Variants in POLA1 observed in about 807,000 individuals in gnomAD.
POLA1 encodes the protein DNA polymerase alpha catalytic subunit.
In POLA1, 15 loss-of-function variants were observed where a neutral mutation model predicts 124.0. The ratio of observed to expected loss-of-function variants is 0.12; its 90% confidence interval spans 0.08 to 0.19. The LOEUF (loss-of-function observed/expected upper bound fraction) is 0.19. Among genes scored for constraint, POLA1 ranks in the 10% least tolerant of loss-of-function variants. The pLI, the probability that POLA1 is intolerant of heterozygous loss-of-function variation, is 1.00. For missense variants in POLA1, 886 were observed against 1,103.4 expected, an observed-to-expected ratio of 0.80 and a Z score of 2.79; for synonymous variants, 408 against 389.4, an observed-to-expected ratio of 1.05 and a Z score of -0.56.
At chrX:24,776,723 T>TA (rs1347914462) in intron 26 of POLA1, among the ~76,000 whole-genome samples, 1 of 112,035 alleles carries the variant, frequency 8.9e-6, no homozygotes, top group Non-Finnish European at 1.9e-5. Context: ...TTATGACATT[T>TA]AAAAAATCTG....
intron 35 of POLA1, among the ~76,000 whole-genome samples, chrX:24,901,789 C>T (rs1042020582): frequency 5.4e-5 from 6 of 111,647 alleles, no homozygotes; most frequent in African/African-American, 2.0e-4. Context: ...GAGATTCCTT[C>T]TTACAGGCTA....
chrX:24,808,473 A>G (rs1312390416), intron 26 of POLA1, among the ~76,000 whole-genome samples: 1 of 106,800 alleles, frequency 9.4e-6, no homozygotes, highest in Non-Finnish European at 1.9e-5. Flanking sequence ...CCAGCTTGCA[A>G]TGTAAGAAAA....
At chrX:24,844,232 T>G (rs2046446243) in intron 34 of POLA1, among the ~76,000 whole-genome samples, 1 of 111,972 alleles carries the variant, frequency 8.9e-6, no homozygotes, top group Non-Finnish European at 1.9e-5. Context: ...TTTTATAAAT[T>G]TATAGTAAAA....
At chrX:24,888,610 T>G (rs954349691) in intron 35 of POLA1, among the ~76,000 whole-genome samples, 83 of 95,965 alleles carry the variant, frequency 8.6e-4, no homozygotes, top group Middle Eastern at 5.2e-3. Context: ...GTTTTTTTTT[T>G]TTTTTTTTTT....
Position 24,888,037 on chromosome X carries a change from G to A in POLA1, c.4079G>A (p.Arg1360His), listed in dbSNP as rs780353506. The A allele has an allele frequency of 9.1e-6, 11 of 1,206,101 alleles. No homozygotes were observed. In the East Asian group the frequency reaches 2.7e-4, roughly 29 times the overall value. The change falls in exon 35 of 37, where the codon CGC becomes CAC. Residue 1360 changes from arginine to histidine, a missense_variant. This residue lies in a region of POLA1 where 313 missense variants were observed against 359.7 expected (regional missense o/e 0.87). Transcript: ENST00000379068. The part of the protein sequence containing the change: ...GWLICEEPTC[R>H]NRTRHLPLQF... The stretch of plus-strand genomic sequence containing the variant: ...TTGATATGTGAAGAGCCAACCTGTC[G>A]CAATCGAACTCGTCACCTTCCCCTT...
Position 24,739,546 on chromosome X carries a change from T to C in POLA1, c.2212T>C (p.Tyr738His). ...CCCAATGGAAAATATACAAAATATG[T>C]ACAGGTATGATCCTAGATTCTTCAG... ...VIPMENIQNM[Y>H]SESSQLLYLL... The change falls in exon 20 of 37, where the codon TAC becomes CAC. Residue 738 changes from tyrosine (Y) to histidine (H), a missense_variant. Coordinates refer to ENST00000379068, the MANE Select transcript of POLA1 (RefSeq NM_001330360.2). 1.8e-6 allele frequency: 2 copies of C among 1,137,005 alleles called. No individual in the cohort carries two copies. The highest frequency in any genetic ancestry group is 2.4e-6 in the Non-Finnish European group (2 of 830,314). The allele number at this position is 1,137,005 out of a possible 1,213,427, so 93.7% of individuals were successfully genotyped here.
intron 36 of POLA1, among the ~76,000 whole-genome samples, chrX:24,933,637 C>T (rs1039337811): frequency 3.6e-5 from 4 of 112,303 alleles, no homozygotes; most frequent in Non-Finnish European, 5.6e-5. Context: ...GATTGTTTTA[C>T]CATTTCCATC....
At chrX:24,851,095 G>A (rs2046554027) in intron 34 of POLA1, among the ~76,000 whole-genome samples, 1 of 112,208 alleles carries the variant, frequency 8.9e-6, no homozygotes, top group African/African-American at 3.2e-5. Context: ...TTCCTTTTCA[G>A]TGTTGGTGAA....
intron 34 of POLA1, among the ~76,000 whole-genome samples, chrX:24,869,805 G>A (rs760216417): frequency 2.7e-5 from 3 of 110,446 alleles, no homozygotes; most frequent in Admixed American, 9.6e-5. Flanking sequence ...ATATTAGCAC[G>A]TTTGGACCTC....
chrX:24,942,960 G>A (rs752026241), intron 36 of POLA1, among the ~76,000 whole-genome samples: 5 of 112,440 alleles, frequency 4.4e-5, no homozygotes, highest in Non-Finnish European at 9.4e-5. Context: ...GCCTCCCAAA[G>A]TGCTGGGATT....
intron 26 of POLA1, among the ~76,000 whole-genome samples, chrX:24,751,333 G>C (rs1932309986): frequency 9.0e-6 from 1 of 111,685 alleles, no homozygotes; most frequent in African/African-American, 3.3e-5. Context: ...TCTTTAGCTG[G>C]ATTTTTAATA....
intron 2 of POLA1, among the ~76,000 whole-genome samples, chrX:24,700,557 G>A (rs1178073609): frequency 3.6e-5 from 4 of 111,723 alleles, no homozygotes; most frequent in Non-Finnish European, 7.5e-5. Flanking sequence ...TGCCCAGGCC[G>A]GAGTGCAATG....
chrX:24,902,291 G>A (rs2047292654), intron 35 of POLA1, among the ~76,000 whole-genome samples: 1 of 112,171 alleles, frequency 8.9e-6, no homozygotes, highest in Admixed American at 9.4e-5. Context: ...AGTTGAGGAG[G>A]CAGAAAGACA....
rs777825988 is a variant in POLA1 at position 24,765,256 on chromosome X, T to C, written c.2964+16264T>C. Among the ~76,000 whole-genome samples the C allele has an allele frequency of 6.4e-5, 7 of 109,956 alleles. No homozygotes were observed. The South Asian group carries it at 2.8e-3, about 44-fold the overall frequency. ...TTTTCTCTCTTCAGGTCTCAGCTTA[T>C]ATGTCACCTTCTTGTGTGTGCGTGG... On this transcript the variant is annotated intron_variant, in intron 26 of 36. Coordinates refer to ENST00000379068, the MANE Select transcript of POLA1 (RefSeq NM_001330360.2).
rs190440527 is a variant in POLA1, at chrX:24,694,298, A to G, written c.43+294A>G. On this transcript the variant is annotated intron_variant, in intron 1 of 36. Transcript: ENST00000379068. ...TGAGTTGCACCCACGTGCTGGGTAT[A>G]ACTTTATTGAGACTGGCCCCGTGGG... 3.6e-5 allele frequency among the ~76,000 whole-genome samples: 4 copies of G among 112,458 alleles called. No homozygotes were observed. The East Asian group carries it at 1.1e-3, about 31-fold the overall frequency.
At chrX:24,700,232 C>T (rs1269799064) in intron 2 of POLA1, among the ~76,000 whole-genome samples, 1 of 109,640 alleles carries the variant, frequency 9.1e-6, no homozygotes, top group Admixed American at 9.8e-5. Flanking sequence ...AGTGTGTTTA[C>T]CAATGTGTTT....
intron 35 of POLA1, among the ~76,000 whole-genome samples, chrX:24,913,140 A>G (rs1486553080): frequency 2.7e-5 from 3 of 112,427 alleles, no homozygotes; most frequent in African/African-American, 9.7e-5. Flanking sequence ...CTTTCCTACC[A>G]TGGAATATTG....
intron 34 of POLA1, among the ~76,000 whole-genome samples, chrX:24,862,284 A>G (rs2046726527): frequency 8.9e-6 from 1 of 112,142 alleles, no homozygotes; most frequent in Admixed American, 9.5e-5. Flanking sequence ...TTAATTTGAA[A>G]TCTTACAGTG....
At chrX:24,694,103 G>T in intron 1 of POLA1, 99 bp downstream of exon 1, 1 of 861,700 alleles carries the variant, frequency 1.2e-6, no homozygotes, top group Non-Finnish European at 1.6e-6. Context: ...GTTTGTTTGG[G>T]CGCAGACCTT....
Sources: gnomAD v4.1 joint callset for allele counts (sites outside exome capture counted in the v4.1 genomes callset) on GRCh38, gnomAD v4.1.1 for gene constraint, gnomAD v4.1.1 regional missense constraint, MANE v1.5 for transcripts, NCBI Gene and HGNC (gene_info 2026-07-23, HGNC 2026-07-21) for gene names.